PRKG1: variants seen among roughly 807,000 people sequenced by gnomAD.
The protein encoded by PRKG1 is cGMP-dependent protein kinase 1.
In PRKG1, 35 loss-of-function variants were observed where a neutral mutation model predicts 88.1. The observed-to-expected ratio is 0.40, with a 90% confidence interval of 0.30 to 0.53. The LOEUF (loss-of-function observed/expected upper bound fraction) is 0.53, where lower values mean the gene tolerates loss of function less well. PRKG1 is among the 20% of genes least tolerant of loss of function. The pLI is 0.59. For missense variants in PRKG1, 540 were observed against 839.8 expected, an observed-to-expected ratio of 0.64 and a Z score of 4.41; for synonymous variants, 303 against 292.5, an observed-to-expected ratio of 1.04 and a Z score of -0.37.
At position 51,899,679 on chromosome 10, in the gene PRKG1, A is replaced by G. The variant is rs1841937068; in HGVS notation, c.699-7828A>G. On this transcript the variant is annotated intron_variant, in intron 4 of 17. Coordinates refer to ENST00000373980, the MANE Select transcript of PRKG1 (RefSeq NM_006258.4). ...TCAAAAAAAAGAAAAATGTATATAT[A>G]TATATATATATATATACAAATTTCT... 6.2e-5 allele frequency among the ~76,000 whole-genome samples: 9 copies of G among 144,924 alleles called. No individual in the cohort carries two copies. The South Asian group carries it at 1.5e-3, about 24-fold the overall frequency.
chr10:51,857,921 T>C (rs73333417), intron 4 of PRKG1, among the ~76,000 whole-genome samples: 4,015 of 150,510 alleles, frequency 0.027, 172 homozygotes, highest in African/African-American at 0.09. Context: ...TTATTTTTAG[T>C]GCTGAGGAAA....
chr10:52,100,199 C>A (rs992258846), intron 7 of PRKG1, among the ~76,000 whole-genome samples: 2 of 151,974 alleles, frequency 1.3e-5, no homozygotes, highest in African/African-American at 4.8e-5. Context: ...GACAGGAATC[C>A]CCTTTGGTGT....
intron 4 of PRKG1, among the ~76,000 whole-genome samples, chr10:51,836,844 C>A (rs1049384620): frequency 4.6e-5 from 7 of 152,234 alleles, no homozygotes; most frequent in Non-Finnish European, 1.0e-4. Context: ...TGCTACTGAA[C>A]AATGACCCAG....
chr10:51,328,321 A>T (rs558315306), intron 2 of PRKG1, among the ~76,000 whole-genome samples: 127 of 152,266 alleles, frequency 8.3e-4, no homozygotes, highest in Non-Finnish European at 1.2e-4. Context: ...TTCTTTTTAG[A>T]AGGTTGAATA....
rs542242293 is a variant in PRKG1, at chr10:51,503,320, C to T, written c.592+35484C>T. ...GAAACATTTTCTTATAAATTAAAGA[C>T]AAAATACCTCCCCTGTAGCCCACAT... On this transcript the variant is annotated intron_variant, in intron 3 of 17. Coordinates refer to ENST00000373980, the MANE Select transcript of PRKG1 (RefSeq NM_006258.4). Among the ~76,000 whole-genome samples, 276 of 152,146 alleles carry T rather than the reference C, an allele frequency of 1.8e-3. 5 individuals carry two copies. Among genetic ancestry groups the T allele is most frequent in the Non-Finnish European group, 5.6e-4 (38 of 67,970 alleles).
intron 4 of PRKG1, among the ~76,000 whole-genome samples, chr10:51,867,361 A>G (rs561252291): frequency 6.6e-6 from 1 of 152,270 alleles, no homozygotes; most frequent in East Asian, 1.9e-4. Flanking sequence ...TAAGCAGGCA[A>G]AGGATGTGGT....
chr10:51,255,731 C>T (rs1839541137), intron 2 of PRKG1, among the ~76,000 whole-genome samples: 1 of 151,996 alleles, frequency 6.6e-6, no homozygotes, highest in African/African-American at 2.4e-5. Flanking sequence ...AATGGTTAGG[C>T]TTTATGCCAG....
chr10:51,093,244 C>T (rs1361362608), intron 1 of PRKG1, among the ~76,000 whole-genome samples: 1 of 152,114 alleles, frequency 6.6e-6, no homozygotes, highest in Non-Finnish European at 1.5e-5. Flanking sequence ...TGGGCTAGGG[C>T]TAGCAATCTG....
At chr10:51,130,435 C>T (rs1036978682) in intron 1 of PRKG1, among the ~76,000 whole-genome samples, 5 of 152,224 alleles carry the variant, frequency 3.3e-5, no homozygotes, top group Non-Finnish European at 5.9e-5. Context: ...TAGTATAGCT[C>T]GGCTCCTCCA....
At chr10:51,375,760 GGTGTTACTATTTTATATAA>G (rs1564467595) in intron 2 of PRKG1, among the ~76,000 whole-genome samples, 20 of 143,326 alleles carry the variant, frequency 1.4e-4, no homozygotes, top group African/African-American at 4.7e-4. Context: ...GTGGTGGGGG[GGTGTTACTATTTTATATAA>G]AGTGATCAGG....
intron 2 of PRKG1, among the ~76,000 whole-genome samples, chr10:51,276,486 G>A (rs565342794): frequency 7.9e-5 from 12 of 152,264 alleles, no homozygotes; most frequent in Non-Finnish European, 1.6e-4. Flanking sequence ...ACCCAGTAAT[G>A]GGATGGCTGG....
At chr10:51,825,455 A>C (rs778690644) in intron 4 of PRKG1, among the ~76,000 whole-genome samples, 1 of 152,180 alleles carries the variant, frequency 6.6e-6, no homozygotes, top group Non-Finnish European at 1.5e-5. Context: ...AGAAAAATCA[A>C]GAAAAAATTT....
chr10:51,866,159 ATTAAT>A (rs1297516538), intron 4 of PRKG1, among the ~76,000 whole-genome samples: 2 of 148,358 alleles, frequency 1.3e-5, no homozygotes, highest in Admixed American at 6.6e-5. Context: ...TATGAGATAT[ATTAAT>A]TTAAACATTC....
At chr10:52,058,612 T>C (rs1480576313) in intron 6 of PRKG1, among the ~76,000 whole-genome samples, 2 of 151,966 alleles carry the variant, frequency 1.3e-5, no homozygotes, top group Non-Finnish European at 2.9e-5. Flanking sequence ...TGGTAATCCA[T>C]GGACCAAAAC....
intron 2 of PRKG1, among the ~76,000 whole-genome samples, chr10:51,293,111 A>G (rs1840627610): frequency 6.6e-6 from 1 of 152,116 alleles, no homozygotes; most frequent in African/African-American, 2.4e-5. Context: ...ATACAACTTG[A>G]AGTTTTGATA....
chr10:51,920,966 A>T (rs1008939644), intron 5 of PRKG1, among the ~76,000 whole-genome samples: 5 of 152,112 alleles, frequency 3.3e-5, no homozygotes, highest in Non-Finnish European at 7.4e-5. Flanking sequence ...AACCAAGATT[A>T]AAATATTATT....
chr10:52,175,405 C>T (rs941492197), intron 9 of PRKG1, among the ~76,000 whole-genome samples: 1 of 151,902 alleles, frequency 6.6e-6, no homozygotes, highest in African/African-American at 2.4e-5. Context: ...ATATCAACAC[C>T]CAGGTTGATT....
rs540302976 is a variant in PRKG1, at chr10:51,643,931, C to T, written c.593-160654C>T. 6.6e-5 allele frequency among the ~76,000 whole-genome samples: 10 copies of T among 152,310 alleles called. No homozygotes were observed. In the East Asian group the frequency reaches 7.7e-4, roughly 12 times the overall value. On this transcript the variant is annotated intron_variant, in intron 3 of 17. Transcript: ENST00000373980. ...GTCATGACTAATCCTGCCCCATCCA[C>T]GTCCCCAGCCTTTCCCCGACTTCTC... is the stretch of plus-strand genomic sequence containing the variant.
At chr10:52,163,736 G>T (rs1407213698) in intron 9 of PRKG1, among the ~76,000 whole-genome samples, 1 of 152,036 alleles carries the variant, frequency 6.6e-6, no homozygotes, top group Non-Finnish European at 1.5e-5. Flanking sequence ...CTAAATTCTG[G>T]CCATTCATGG....
Sources: allele counts gnomAD v4.1 joint callset (sites outside exome capture counted in the v4.1 genomes callset), GRCh38; gene constraint gnomAD v4.1.1; transcripts MANE v1.5; gene names NCBI Gene and HGNC (gene_info 2026-07-23, HGNC 2026-07-21).